Variants in E2F6 observed in about 807,000 individuals in gnomAD.
The protein encoded by E2F6 is E2F transcription factor 6, also known as transcription factor E2F6.
E2F6 carries 19 observed loss-of-function variants against 31.5 expected under a neutral mutation model. The ratio of observed to expected loss-of-function variants is 0.60; its 90% CI spans 0.42 to 0.89. E2F6 has a LOEUF of 0.89. E2F6 is among the 40% of genes least tolerant of loss of function. The pLI is 0.00. For missense variants in E2F6, 269 were observed against 341.6 expected, an observed-to-expected ratio of 0.79 and a Z score of 1.67; for synonymous variants, 121 against 127.7, an observed-to-expected ratio of 0.95 and a Z score of 0.36.
chr2:11,455,371 C>A, intron 2 of E2F6: 1 of 1,230,218 alleles, frequency 8.1e-7, no homozygotes, highest in East Asian at 5.8e-5. Flanking sequence ...TACTCAGAAC[C>A]TCCACAATGT....
intron 2 of E2F6, among the ~76,000 whole-genome samples, chr2:11,454,911 T>C (rs6732604): frequency 0.051 from 7,747 of 152,298 alleles, 678 homozygotes; most frequent in African/African-American, 0.18. Context: ...TATTTCAACA[T>C]TATTCTTAAT....
intron 1 of E2F6, among the ~76,000 whole-genome samples, chr2:11,460,680 G>A (rs2148359316): frequency 6.6e-6 from 1 of 152,296 alleles, no homozygotes; most frequent in Non-Finnish European, 1.5e-5. Flanking sequence ...ATCATAGAGT[G>A]CTTAAACAAA....
At chr2:11,448,239 A>C (rs1382858184) in intron 5 of E2F6, among the ~76,000 whole-genome samples, 1 of 152,236 alleles carries the variant, frequency 6.6e-6, no homozygotes, top group Admixed American at 6.5e-5. Flanking sequence ...TTTATAAAGG[A>C]CTAATTAACT....
At chr2:11,459,767 A>T (rs192385596) in intron 1 of E2F6, among the ~76,000 whole-genome samples, 4 of 152,058 alleles carry the variant, frequency 2.6e-5, no homozygotes, top group Non-Finnish European at 5.9e-5. Context: ...ACCTGTAATA[A>T]AAGCTACTTG....
rs534464243 is a variant in E2F6, at chr2:11,445,248, A to T, written c.*1229T>A. ...TACAGGAATCTTGTACGATAGACAA[A>T]CCAAATATTATTATTCTGATCTTAC... On this transcript the variant is annotated 3_prime_UTR_variant, in exon 7 of 7. Transcript: ENST00000381525. The T allele has an allele frequency of 6.6e-6, 1 of 152,512 alleles. No homozygotes were observed. The highest frequency in any genetic ancestry group is 2.4e-5 in the African/African-American group (1 of 41,574). 9.4% of individuals were successfully genotyped at this position (152,512 alleles called of 1,614,324 possible).
At chr2:11,453,504 CCACTATCTAGTTTAAGCATGGAATTGT>C (rs1671201461) in intron 3 of E2F6, 51 bp downstream of exon 3, 13 of 1,296,880 alleles carry the variant, frequency 1.0e-5, no homozygotes, top group African/African-American at 1.5e-5. Flanking sequence ...CAAAACACTG[CCACTATCTAGTTTAAGCATGGAATTGT>C]CACTTGATGA....
chr2:11,463,640 A>G (rs1671923494), intron 1 of E2F6, among the ~76,000 whole-genome samples: 1 of 151,606 alleles, frequency 6.6e-6, no homozygotes, highest in Admixed American at 6.6e-5. Context: ...TAGAGACGGT[A>G]GAAGAGAACC....
intron 1 of E2F6, among the ~76,000 whole-genome samples, chr2:11,464,948 G>A (rs947318744): frequency 6.6e-6 from 1 of 151,942 alleles, no homozygotes; most frequent in Non-Finnish European, 1.5e-5. Flanking sequence ...GGTCGGGCTC[G>A]GTGGATCACC....
At chr2:11,458,227 T>A (rs1345349781) in intron 1 of E2F6, 6 of 1,542,612 alleles carry the variant, frequency 3.9e-6, no homozygotes, top group Non-Finnish European at 4.4e-6. Context: ...TCATAGGTAC[T>A]CTAAGAAGAG....
At chr2:11,465,178 C>CAAAAAAAAAAAAAAAAAAA (rs59561027) in intron 1 of E2F6, among the ~76,000 whole-genome samples, 3 of 88,582 alleles carry the variant, frequency 3.4e-5, no homozygotes, top group East Asian at 3.6e-4. Flanking sequence ...AACTCAATCT[C>CAAAAAAAAAAAAAAAAAAA]AAAAAAAAAA....
Position 11,460,673 on chromosome 2 carries a change from A to G in E2F6, c.109-3440T>C, listed in dbSNP as rs149620597. ...TAGGCGATTTTGTTGCGTGAACATC[A>G]TAGAGTGCTTAAACAAACCTAGATG... On this transcript the variant is annotated intron_variant, in intron 1 of 6. Coordinates refer to ENST00000381525, the MANE Select transcript of E2F6 (RefSeq NM_198256.4). Among the ~76,000 whole-genome samples, 85 of 152,298 alleles carry G rather than the reference A, an allele frequency of 5.6e-4. 2 individuals carry two copies. The East Asian group carries it at 0.014, about 26-fold the overall frequency.
intron 5 of E2F6, 146 bp downstream of exon 5, chr2:11,449,866 G>A (rs909962373): frequency 2.4e-5 from 12 of 500,974 alleles, no homozygotes; most frequent in Non-Finnish European, 3.9e-5. Flanking sequence ...GTTGAAGCAA[G>A]TTAAATGTGT....
At chr2:11,464,844 T>G (rs1672035607) in intron 1 of E2F6, among the ~76,000 whole-genome samples, 1 of 152,092 alleles carries the variant, frequency 6.6e-6, no homozygotes, top group Non-Finnish European at 1.5e-5. Flanking sequence ...CACAAACTAT[T>G]TGGTAGGGGA....
chr2:11,462,015 T>C (rs1671811499), intron 1 of E2F6, among the ~76,000 whole-genome samples: 1 of 152,240 alleles, frequency 6.6e-6, no homozygotes, highest in Admixed American at 6.5e-5. Flanking sequence ...TGTCATGGAC[T>C]TCCAGTGCTC....
intron 1 of E2F6, among the ~76,000 whole-genome samples, chr2:11,464,517 CAAAAAAA>C (rs559562627): frequency 3.4e-4 from 15 of 44,660 alleles, no homozygotes; most frequent in Non-Finnish European, 4.4e-4. Context: ...ACTTCGTCAC[CAAAAAAA>C]AAAAAAAAAA....
At chr2:11,456,675 A>G (rs1034928950) in intron 2 of E2F6, among the ~76,000 whole-genome samples, 1 of 152,232 alleles carries the variant, frequency 6.6e-6, no homozygotes, top group Non-Finnish European at 1.5e-5. Flanking sequence ...TCAAAGGTGA[A>G]GCTGACCAAA....
chr2:11,459,076 C>T (rs1303718790), intron 1 of E2F6, among the ~76,000 whole-genome samples: 2 of 151,818 alleles, frequency 1.3e-5, no homozygotes, highest in Admixed American at 6.6e-5. Flanking sequence ...GGGCCAGCTA[C>T]GGTAGCAAGA....
rs929517868 is a variant in E2F6 at position 11,453,764 on chromosome 2, T to C, written c.198A>G (p.Val66=). 13 of 1,614,084 alleles carry C rather than the reference T, an allele frequency of 8.1e-6. No individual in the cohort carries two copies. Among genetic ancestry groups the C allele is most frequent in the Admixed American group, 1.7e-5 (1 of 60,008 alleles). Residue 66 remains valine, a synonymous_variant, in exon 3 of 7, where the codon GTA becomes GTG. Coordinates refer to ENST00000381525, the MANE Select transcript of E2F6 (RefSeq NM_198256.4). The part of the protein sequence containing the change: ...ALKVKRPRFD[V]SLVYLTRKFM... The stretch of plus-strand genomic sequence containing the variant: ...ATTTTCGAGTTAAATAAACCAGCGA[T>C]ACATCAAAACGAGGTCTCTTCACTT...
At position 11,453,591 on chromosome 2, in the gene E2F6, A is replaced by C; in HGVS notation, c.371T>G (p.Ile124Ser). The C allele has an allele frequency of 1.2e-6, 2 of 1,614,030 alleles. No individual in the cohort carries two copies. Among genetic ancestry groups the C allele is most frequent in the Non-Finnish European group, 1.7e-6 (2 of 1,179,976 alleles). ...DLVEKKSKNH[I>S]RWIGSDLSNF... ...TTTGAAAGCAACTCACATCCATCTA[A>C]TATGGTTCTTGGATTTCTTTTCAAC... Residue 124 changes from isoleucine to serine, a missense_variant, in exon 3 of 7, where the codon ATT becomes AGT. Physicochemically the swap from Ile to Ser is moderately radical, Grantham distance 142 (BLOSUM62 -2). Coordinates refer to ENST00000381525, the MANE Select transcript of E2F6 (RefSeq NM_198256.4).
Sources: allele counts gnomAD v4.1 joint callset (sites outside exome capture counted in the v4.1 genomes callset), GRCh38; gene constraint gnomAD v4.1.1; transcripts MANE v1.5; gene names NCBI Gene and HGNC (gene_info 2026-07-23, HGNC 2026-07-21).